PARG: variants seen among roughly 807,000 people sequenced by gnomAD.
PARG encodes the protein poly(ADP-ribose) glycohydrolase.
Under a neutral mutation model 113.0 loss-of-function variants are expected in PARG, and 35 were observed. The observed-to-expected ratio is 0.31, with a 90% confidence interval of 0.24 to 0.41. The LOEUF is 0.41. Among genes scored for constraint, PARG ranks in the 10% least tolerant of loss-of-function variants. The pLI is 1.00. For synonymous variants in PARG, 330 were observed against 409.9 expected, an observed-to-expected ratio of 0.81 and a Z score of 2.36; for missense variants, 797 against 1,169.4, an observed-to-expected ratio of 0.68 and a Z score of 4.64.
chr10:49,837,397 TACACACAC>T (rs3048454), intron 15 of PARG, among the ~76,000 whole-genome samples: 2 of 147,974 alleles, frequency 1.4e-5, no homozygotes, highest in African/African-American at 5.0e-5. Context: ...CATGCATATA[TACACACAC>T]ACACACACAC....
At chr10:49,887,804 T>G (rs1847571630) in intron 7 of PARG, among the ~76,000 whole-genome samples, 1 of 152,210 alleles carries the variant, frequency 6.6e-6, no homozygotes, top group African/African-American at 2.4e-5. Context: ...AATCACTTCC[T>G]GTAAACAGCA....
chr10:49,841,856 G>A (rs1319095618), intron 15 of PARG, 94 bp downstream of exon 15: 11 of 786,970 alleles, frequency 1.4e-5, no homozygotes, highest in African/African-American at 1.2e-4. Context: ...TACTGACACT[G>A]CAATAATTAC....
chr10:49,856,805 T>C (rs1846013665), intron 13 of PARG, among the ~76,000 whole-genome samples: 1 of 151,166 alleles, frequency 6.6e-6, no homozygotes, highest in South Asian at 2.1e-4. Flanking sequence ...AGGTCAGGAG[T>C]TCGAGACCAG....
At chr10:49,926,688 C>T (rs1356604384) in intron 4 of PARG, among the ~76,000 whole-genome samples, 1 of 152,216 alleles carries the variant, frequency 6.6e-6, no homozygotes, top group Non-Finnish European at 1.5e-5. Flanking sequence ...CTTAACCAAT[C>T]GCAAATCAAA....
chr10:49,840,923 GTCT>G (rs1253628061), intron 15 of PARG, among the ~76,000 whole-genome samples: 1 of 152,166 alleles, frequency 6.6e-6, no homozygotes, highest in Admixed American at 6.6e-5. Context: ...AATTGGGTCA[GTCT>G]TCTTGGCTGT....
At chr10:49,835,810 C>T (rs143788234) in intron 15 of PARG, among the ~76,000 whole-genome samples, 2 of 151,962 alleles carry the variant, frequency 1.3e-5, no homozygotes, top group African/African-American at 2.4e-5. Context: ...AGCAGATAGA[C>T]AGTTACGTGC....
At chr10:49,886,171 T>C (rs1286036093) in intron 7 of PARG, among the ~76,000 whole-genome samples, 1 of 152,212 alleles carries the variant, frequency 6.6e-6, no homozygotes, top group Non-Finnish European at 1.5e-5. Flanking sequence ...TCATCCTACA[T>C]TGAGGTCAAT....
At chr10:49,927,435 G>C (rs1483590180) in intron 4 of PARG, among the ~76,000 whole-genome samples, 1 of 145,906 alleles carries the variant, frequency 6.9e-6, no homozygotes, top group Non-Finnish European at 1.5e-5. Flanking sequence ...AAACCTGTGA[G>C]TCATCTATAT....
At chr10:49,932,852 T>C (rs1326877268) in intron 3 of PARG, among the ~76,000 whole-genome samples, 6 of 151,362 alleles carry the variant, frequency 4.0e-5, no homozygotes, top group African/African-American at 1.5e-4. Context: ...AAGTGTAATA[T>C]ACAATGGTCT....
At position 49,923,325 on chromosome 10, in the gene PARG, T is replaced by C. The variant is rs1413504958; in HGVS notation, c.1456-656A>G. 3.4e-4 allele frequency among the ~76,000 whole-genome samples: 51 copies of C among 152,130 alleles called. 2 individuals carry two copies. The highest frequency in any genetic ancestry group is 3.2e-3 in the Admixed American group (49 of 15,276). ...TATTTATCTTGTTTTGTTAGATTAT[T>C]ATCATGCTAGAGCACACTTGTCTTC... On this transcript the variant is annotated intron_variant, in intron 4 of 17. Transcript: ENST00000616448.
At position 49,832,915 on chromosome 10, in the gene PARG, G is replaced by C; in HGVS notation, c.2542-7C>G. Reference sequence around the variant, plus strand: ...GGAGAAATCCACAGTAAGCCTGCAGGATAAAAGAATTATCAAAGCCTGTGA... The same window carrying C: ...GGAGAAATCCACAGTAAGCCTGCAGCATAAAAGAATTATCAAAGCCTGTGA... On this transcript the variant is annotated splice_region_variant and splice_polypyrimidine_tract_variant and intron_variant, in intron 15 of 17. Transcript: ENST00000616448. The C allele has an allele frequency of 6.7e-7, 1 of 1,490,212 alleles. No individual in the cohort carries two copies. Among genetic ancestry groups the C allele is most frequent in the Non-Finnish European group, 9.1e-7 (1 of 1,092,978 alleles). 92.3% of individuals were successfully genotyped at this position (1,490,212 alleles called of 1,614,324 possible).
intron 6 of PARG, among the ~76,000 whole-genome samples, chr10:49,917,509 A>G (rs1386739296): frequency 6.8e-6 from 1 of 147,746 alleles, no homozygotes; most frequent in Admixed American, 6.8e-5. Context: ...AAAAAAAAAG[A>G]AAAAAAGAAA....
At chr10:49,846,717 G>A (rs1395680317) in intron 13 of PARG, among the ~76,000 whole-genome samples, 1 of 151,634 alleles carries the variant, frequency 6.6e-6, no homozygotes, top group African/African-American at 2.4e-5. Flanking sequence ...TTAAGAATGG[G>A]AGGTATCAAT....
In PARG at chr10:49,933,557, T is replaced by A. The variant is rs1838593598; in HGVS notation, c.891A>T (p.Glu297Asp). The A allele has an allele frequency of 1.9e-6, 3 of 1,611,944 alleles. No individual in the cohort carries two copies. In the African/African-American group the frequency reaches 4.0e-5, roughly 22 times the overall value. Residue 297 changes from glutamate to aspartate, a missense_variant, in exon 3 of 18, where the codon GAA becomes GAT. By Grantham distance (45) the Glu-to-Asp change is conservative. Around this residue, in one of 5 missense-constraint regions of PARG, gnomAD observed 284 missense variants for 306.1 expected, o/e 0.93. Coordinates refer to ENST00000616448, the MANE Select transcript of PARG (RefSeq NM_003631.5). Reference protein sequence around the residue: ...CLGNSPPFEKESEPESPMDVD... With the variant: ...CLGNSPPFEKDSEPESPMDVD... The stretch of plus-strand genomic sequence containing the variant: ...CATCCATCGGTGACTCGGGTTCACT[T>A]TCCTTCTCAAATGGAGGAGAATTTC...
At chr10:49,881,833 C>G (rs182226581) in intron 8 of PARG, among the ~76,000 whole-genome samples, 1 of 152,114 alleles carries the variant, frequency 6.6e-6, no homozygotes, top group African/African-American at 2.4e-5. Flanking sequence ...ATTCTCTCCC[C>G]TTCAGGTCTT....
At position 49,922,352 on chromosome 10, in the gene PARG, C is replaced by T. The variant is rs1281655281; in HGVS notation, c.1646G>A (p.Arg549Gln). The change falls in exon 6 of 18, where the codon CGA (arginine) becomes CAA (glutamine). Residue 549 changes from arginine (R) to glutamine (Q), a missense_variant. Arg to Gln is a conservative substitution (Grantham distance 43, BLOSUM62 1). This residue lies in a region of PARG where 252 missense variants were observed against 437.4 expected (regional missense o/e 0.58). Transcript: ENST00000616448. ...ACAACATACCTTCAAGTTTTGGGGT[C>T]GTGTAAATTTGTTGAGAAGTGCAGT... ...IQTALLNKFTRPQNLKDAILK... is the reference protein window; with the variant it reads ...IQTALLNKFTQPQNLKDAILK... 4 of 1,602,888 alleles carry T rather than the reference C, an allele frequency of 2.5e-6. No individual in the cohort carries two copies. Among genetic ancestry groups the T allele is most frequent in the Non-Finnish European group, 3.4e-6 (4 of 1,175,444 alleles).
In PARG at chr10:49,841,816, C is replaced by T. The variant is rs1474671600; in HGVS notation, c.2541+134G>A. On this transcript the variant is annotated intron_variant, in intron 15 of 17. Coordinates refer to ENST00000616448, the MANE Select transcript of PARG (RefSeq NM_003631.5). Reference sequence around the variant, plus strand: ...GTACATCTTGTACAAGCTGACAGAGCCATTAAATCAGGAGAGCTGTGGGCA... The same window carrying T: ...GTACATCTTGTACAAGCTGACAGAGTCATTAAATCAGGAGAGCTGTGGGCA... 2.7e-5 allele frequency: 17 copies of T among 628,882 alleles called. No individual in the cohort carries two copies. The East Asian group carries it at 4.4e-4, about 16-fold the overall frequency. 39.0% of individuals were successfully genotyped at this position (628,882 alleles called of 1,614,324 possible).
rs1839100416 is a variant in PARG at position 49,941,809 on chromosome 10, C to T, written c.-84G>A. 16 of 1,534,864 alleles carry T rather than the reference C, an allele frequency of 1.0e-5. No individual in the cohort carries two copies. The highest frequency in any genetic ancestry group is 1.4e-5 in the Non-Finnish European group (16 of 1,145,412). The stretch of plus-strand genomic sequence containing the variant: ...ACCCTGAGAGAGATGGACTGCGCCT[C>T]CTTCTCAGCGCCTGCCTGCACCATT... On this transcript the variant is annotated 5_prime_UTR_variant, in exon 1 of 18. Transcript: ENST00000616448.
chr10:49,936,386 T>C (rs1838739312), intron 1 of PARG, among the ~76,000 whole-genome samples: 1 of 152,192 alleles, frequency 6.6e-6, no homozygotes, highest in Non-Finnish European at 1.5e-5. Context: ...ATTCTGCCTA[T>C]ACTAAATTTG....
Sources: gnomAD v4.1 joint callset for allele counts (sites outside exome capture counted in the v4.1 genomes callset) on GRCh38, gnomAD v4.1.1 for gene constraint, gnomAD v4.1.1 regional missense constraint, MANE v1.5 for transcripts, NCBI Gene and HGNC (gene_info 2026-07-23, HGNC 2026-07-21) for gene names.